The following GPHN variants were observed in gnomAD, a reference collection of about 807,000 sequenced individuals.
The protein encoded by GPHN is gephyrin.
In GPHN, 17 loss-of-function variants were observed where a neutral mutation model predicts 95.5. The observed-to-expected ratio is 0.18, with a 90% CI of 0.12 to 0.27. GPHN has a LOEUF of 0.27. GPHN is among the 10% of genes least tolerant of loss of function. The probability of loss-of-function intolerance (pLI) is 1.00; values close to 1 mark genes in which losing one functional copy is unlikely to be tolerated. For missense variants in GPHN, 660 were observed against 978.1 expected (o/e 0.67, Z 4.34); for synonymous variants, 320 against 322.5 (o/e 0.99, Z 0.08).
At chr14:67,372,568 C>A in the GPHN span, among the ~76,000 whole-genome samples, 1 of 152,058 alleles carries the variant, frequency 6.6e-6, no homozygotes, top group African/African-American at 2.4e-5. Context: ...CGGTGGCTCA[C>A]GCCTGTTATC....
At chr14:66,890,737 G>C (rs2064441625) in intron 5 of GPHN, among the ~76,000 whole-genome samples, 1 of 151,390 alleles carries the variant, frequency 6.6e-6, no homozygotes, top group Non-Finnish European at 1.5e-5. Context: ...GGTGACCCTA[G>C]AATACAAGGA....
the GPHN span, among the ~76,000 whole-genome samples, chr14:67,702,129 TA>T: frequency 6.6e-6 from 1 of 151,926 alleles, no homozygotes. Context: ...TTTAAAAATT[TA>T]ATATATATAT....
At chr14:67,646,552 A>C in the GPHN span, 22 of 1,002,074 alleles carry the variant, frequency 2.2e-5, no homozygotes, top group South Asian at 4.4e-5. Context: ...GTGGCAGAAG[A>C]AAGCAGATTG....
chr14:67,399,996 C>T, the GPHN span, among the ~76,000 whole-genome samples: 1,591 of 152,294 alleles, frequency 0.01, 26 homozygotes, highest in African/African-American at 0.035. Flanking sequence ...TGCCCCAACT[C>T]ACTCATTTCC....
chr14:66,793,803 G>A lies in GPHN; in HGVS notation c.201+17282G>A, dbSNP rs531601445. On this transcript the variant is annotated intron_variant, in intron 3 of 22. Transcript: ENST00000478722. ...TAGCTCCAAAAATATGGTTAAAAAA[G>A]GGAATTAAAATATTACACTAGAAAA... Among the ~76,000 whole-genome samples the A allele has an allele frequency of 4.1e-3, 629 of 151,964 alleles. 1 individual carries two copies. The highest frequency in any genetic ancestry group is 5.2e-3 in the Non-Finnish European group (351 of 67,938).
intron 5 of GPHN, among the ~76,000 whole-genome samples, chr14:66,895,655 C>T (rs1234504252): frequency 6.6e-6 from 1 of 152,064 alleles, no homozygotes; most frequent in African/African-American, 2.4e-5. Context: ...AAGAATTTTA[C>T]ACTCAGCAAA....
the GPHN span, chr14:67,580,002 C>CTAGGGCAGCA: frequency 2.4e-6 from 2 of 849,552 alleles, no homozygotes; most frequent in Non-Finnish European, 3.6e-6. Context: ...CAAGGTGCTG[C>CTAGGGCAGCA]CCTAGTCAGC....
At chr14:67,313,899 T>C in the GPHN span, among the ~76,000 whole-genome samples, 1 of 152,128 alleles carries the variant, frequency 6.6e-6, no homozygotes. Flanking sequence ...GTCTTATTTG[T>C]TTTAAATCCA....
At chr14:66,979,243 C>T (rs2070484443) in intron 9 of GPHN, among the ~76,000 whole-genome samples, 1 of 152,152 alleles carries the variant, frequency 6.6e-6, no homozygotes, top group South Asian at 2.1e-4. Context: ...AGTTTTAAAG[C>T]CAGGCTTTAA....
the GPHN span, among the ~76,000 whole-genome samples, chr14:67,520,860 G>C: frequency 2.0e-5 from 3 of 152,254 alleles, no homozygotes; most frequent in African/African-American, 7.2e-5. Flanking sequence ...TGTGTGGTGA[G>C]AGTATGTTTA....
At chr14:66,576,044 T>G (rs2060886801) in intron 1 of GPHN, among the ~76,000 whole-genome samples, 1 of 152,120 alleles carries the variant, frequency 6.6e-6, no homozygotes. Context: ...TGGGATCTAC[T>G]AGGCAGGCCT....
intron 8 of GPHN, among the ~76,000 whole-genome samples, chr14:66,956,045 T>G (rs527732558): frequency 6.6e-6 from 1 of 152,206 alleles, no homozygotes; most frequent in South Asian, 2.1e-4. Flanking sequence ...CAACTTTGAT[T>G]TTGTTGATTC....
the GPHN span, among the ~76,000 whole-genome samples, chr14:67,341,447 C>T: frequency 1.3e-5 from 2 of 152,080 alleles, no homozygotes; most frequent in Non-Finnish European, 2.9e-5. Flanking sequence ...GCAGCCACCC[C>T]GTCCAGGAGG....
chr14:67,613,963 C>G, the GPHN span: 1 of 152,332 alleles, frequency 6.6e-6, no homozygotes, highest in Non-Finnish European at 1.5e-5. Context: ...GAGACAGGGT[C>G]TCTCTCTGTC....
At chr14:67,246,300 A>T in the GPHN span, among the ~76,000 whole-genome samples, 243 of 149,740 alleles carry the variant, frequency 1.6e-3, no homozygotes, top group African/African-American at 5.7e-3. Flanking sequence ...CTGATTTTTA[A>T]ATTTATTTGT....
chr14:66,555,662 C>T (rs2059983027), intron 1 of GPHN, among the ~76,000 whole-genome samples: 1 of 152,066 alleles, frequency 6.6e-6, no homozygotes, highest in Admixed American at 6.6e-5. Context: ...CTGTTATCCC[C>T]TAACCTTTAG....
intron 4 of GPHN, among the ~76,000 whole-genome samples, chr14:66,847,627 T>A (rs2062389974): frequency 1.3e-5 from 2 of 152,136 alleles, no homozygotes; most frequent in Admixed American, 1.3e-4. Flanking sequence ...ACAAATCATC[T>A]ATTTTTTCTT....
the GPHN span, among the ~76,000 whole-genome samples, chr14:67,206,421 G>A: frequency 1.3e-5 from 2 of 151,954 alleles, no homozygotes; most frequent in African/African-American, 4.8e-5. Context: ...GTTTGAAACC[G>A]GGAGGTGGAG....
chr14:67,690,925 C>A, the GPHN span: 1 of 557,190 alleles, frequency 1.8e-6, no homozygotes, highest in Non-Finnish European at 3.2e-6. Context: ...TGCGCCAAGG[C>A]AAACCAAATC....
Sources: gnomAD v4.1 joint callset for allele counts (sites outside exome capture counted in the v4.1 genomes callset) on GRCh38, gnomAD v4.1.1 for gene constraint, MANE v1.5 for transcripts, NCBI Gene and HGNC (gene_info 2026-07-23, HGNC 2026-07-21) for gene names.